The following ZNF573 variants were observed in gnomAD, a reference collection of about 807,000 sequenced individuals.
ZNF573 encodes the protein zinc finger protein 573.
Under a neutral mutation model 57.4 loss-of-function variants are expected in ZNF573, and 41 were observed. The ratio of observed to expected loss-of-function variants is 0.71; its 90% CI spans 0.56 to 0.93. ZNF573 has a LOEUF of 0.93. Among genes scored for constraint, ZNF573 ranks in the 40% least tolerant of loss-of-function variants. The probability of loss-of-function intolerance (pLI) is 0.00; values close to 1 mark genes in which losing one functional copy is unlikely to be tolerated. For synonymous variants in ZNF573, 249 were observed against 261.0 expected, an observed-to-expected ratio of 0.95 and a Z score of 0.44; for missense variants, 730 against 794.8, an observed-to-expected ratio of 0.92 and a Z score of 0.98.
intron 4 of ZNF573, among the ~76,000 whole-genome samples, chr19:37,761,439 G>C (rs994331954): frequency 2.7e-4 from 41 of 152,014 alleles, no homozygotes; most frequent in African/African-American, 8.7e-4. Context: ...TAACCATAAA[G>C]ACTAGAAGCC....
At chr19:37,759,455 C>T (rs566839219) in intron 4 of ZNF573, among the ~76,000 whole-genome samples, 71 of 152,174 alleles carry the variant, frequency 4.7e-4, no homozygotes, top group Non-Finnish European at 6.3e-4. Context: ...AGACCAGGCG[C>T]GGTGGCTCAC....
At chr19:37,756,576 CAG>C (rs917907945) in intron 4 of ZNF573, among the ~76,000 whole-genome samples, 1 of 152,066 alleles carries the variant, frequency 6.6e-6, no homozygotes, top group Non-Finnish European at 1.5e-5. Flanking sequence ...ACTCAGAAAA[CAG>C]AGTCGCAATA....
intron 4 of ZNF573, among the ~76,000 whole-genome samples, chr19:37,746,302 A>G (rs2045381720): frequency 6.6e-6 from 1 of 152,214 alleles, no homozygotes; most frequent in Non-Finnish European, 1.5e-5. Context: ...TCATGGGGGT[A>G]CAGGTTAACA....
At chr19:37,769,930 A>T in intron 4 of ZNF573, 75 bp downstream of exon 4, 2 of 1,339,520 alleles carry the variant, frequency 1.5e-6, no homozygotes, top group Non-Finnish European at 2.1e-6. Flanking sequence ...GGTTTCACAA[A>T]CAACACAAAA....
At position 37,738,521 on chromosome 19, in the gene ZNF573, G is replaced by A. The variant is rs548174020; in HGVS notation, c.1969C>T (p.Gln657Ter). Residue 657 changes from glutamine (Q) to a stop codon, truncating the protein, a stop_gained, in exon 5 of 5, where the codon CAG (glutamine) becomes TAG (stop). Transcript: ENST00000536220. LOFTEE classifies it high-confidence loss of function. The stretch of plus-strand genomic sequence containing the variant: ...ACTTTTATGCTCCTATGAATTCTCT[G>A]ATGGGCTTTAAGGGCTGAACCATAT... ...FRYGSALKAH[Q>*]RIHRSIKV 7.8e-6 allele frequency: 12 copies of A among 1,544,196 alleles called. No individual in the cohort carries two copies. The highest frequency in any genetic ancestry group is 1.0e-5 in the Non-Finnish European group (12 of 1,150,634).
intron 4 of ZNF573, among the ~76,000 whole-genome samples, chr19:37,767,086 G>A (rs1386694617): frequency 6.6e-6 from 1 of 152,178 alleles, no homozygotes; most frequent in East Asian, 1.9e-4. Context: ...ATTTATAGGA[G>A]CATTGTGACC....
intron 4 of ZNF573, among the ~76,000 whole-genome samples, chr19:37,756,413 G>A (rs139246972): frequency 1.3e-3 from 193 of 152,248 alleles, no homozygotes; most frequent in Non-Finnish European, 2.4e-3. Flanking sequence ...ACTCCTCAAC[G>A]GAGGTGCATA....
Position 37,739,495 on chromosome 19 carries a change from C to T in ZNF573, c.995G>A (p.Cys332Tyr), listed in dbSNP as rs544081305. 7.4e-6 allele frequency: 12 copies of T among 1,613,522 alleles called. No homozygotes were observed. Among genetic ancestry groups the T allele is most frequent in the East Asian group, 2.2e-5 (1 of 44,882 alleles). ...GGTATAGCCCTTCCCACATTCTTTA[C>T]ACTCATATGGCTTTTTACCAGTGTG... ...RVHTGKKPYE[C>Y]KECGKGYTTA... The change falls in exon 5 of 5, where the codon TGT (cysteine) becomes TAT (tyrosine). Residue 332 changes from cysteine to tyrosine, a missense_variant. Coordinates refer to ENST00000536220, the MANE Select transcript of ZNF573 (RefSeq NM_001172690.2).
intron 1 of ZNF573, among the ~76,000 whole-genome samples, chr19:37,779,233 C>T (rs62110186): frequency 0.09 from 13,706 of 152,108 alleles, 1,010 homozygotes; most frequent in African/African-American, 0.2. Context: ...CTCACAACCG[C>T]ACCCACCGTC....
intron 4 of ZNF573, among the ~76,000 whole-genome samples, chr19:37,768,256 C>T (rs778268407): frequency 3.0e-4 from 45 of 152,004 alleles, no homozygotes; most frequent in Non-Finnish European, 5.7e-4. Flanking sequence ...GGTTCTAATC[C>T]TTCTTATTCC....
chr19:37,777,308 C>T (rs1020548071), intron 1 of ZNF573, among the ~76,000 whole-genome samples: 2 of 151,908 alleles, frequency 1.3e-5, no homozygotes, highest in African/African-American at 4.8e-5. Flanking sequence ...GCCACTGCAC[C>T]CAGACAGAAG....
chr19:37,767,153 G>A (rs901712781), intron 4 of ZNF573, among the ~76,000 whole-genome samples: 25 of 152,106 alleles, frequency 1.6e-4, no homozygotes, highest in African/African-American at 6.0e-4. Context: ...CCAGATATCT[G>A]TAGTCGCCAG....
intron 4 of ZNF573, among the ~76,000 whole-genome samples, chr19:37,757,191 G>A (rs898853106): frequency 2.0e-5 from 3 of 151,318 alleles, no homozygotes; most frequent in African/African-American, 7.3e-5. Context: ...TATTATTGTT[G>A]TTATTATTAT....
chr19:37,748,165 G>A (rs552998589), intron 4 of ZNF573, among the ~76,000 whole-genome samples: 3 of 152,300 alleles, frequency 2.0e-5, no homozygotes, highest in South Asian at 4.1e-4. Flanking sequence ...TGTATACAAT[G>A]TGGTACCCCT....
At chr19:37,778,723 A>G (rs2045735442) in intron 1 of ZNF573, among the ~76,000 whole-genome samples, 1 of 152,128 alleles carries the variant, frequency 6.6e-6, no homozygotes, top group African/African-American at 2.4e-5. Context: ...GAATAGCAGG[A>G]CCAGGGAGGG....
chr19:37,763,804 C>T (rs1224484043), intron 4 of ZNF573, among the ~76,000 whole-genome samples: 2 of 150,976 alleles, frequency 1.3e-5, no homozygotes, highest in Non-Finnish European at 3.0e-5. Flanking sequence ...TGGCTCATGC[C>T]TGTAATCCCA....
At chr19:37,750,316 G>A (rs983467976) in intron 4 of ZNF573, among the ~76,000 whole-genome samples, 23 of 152,014 alleles carry the variant, frequency 1.5e-4, no homozygotes, top group African/African-American at 4.6e-4. Context: ...ACTCCTGACC[G>A]CAAGTGATCT....
chr19:37,767,479 C>G (rs1448662012), intron 4 of ZNF573, among the ~76,000 whole-genome samples: 1 of 152,060 alleles, frequency 6.6e-6, no homozygotes, highest in Non-Finnish European at 1.5e-5. Flanking sequence ...GTGATCTGCC[C>G]GCCTCGGCCT....
chr19:37,744,947 A>G (rs954201459), intron 4 of ZNF573, among the ~76,000 whole-genome samples: 1 of 151,442 alleles, frequency 6.6e-6, no homozygotes, highest in African/African-American at 2.4e-5. Flanking sequence ...ACGCCCCGCT[A>G]AATTTTTTGT....
Sources: gnomAD v4.1 joint callset for allele counts (sites outside exome capture counted in the v4.1 genomes callset) on GRCh38, gnomAD v4.1.1 for gene constraint, MANE v1.5 for transcripts, NCBI Gene and HGNC (gene_info 2026-07-23, HGNC 2026-07-21) for gene names.